Variants in MPDZ observed in about 807,000 individuals in gnomAD.
MPDZ encodes multiple PDZ domain crumbs cell polarity complex component, also known as multiple PDZ domain protein.
In MPDZ, 234 loss-of-function variants were observed where a neutral mutation model predicts 239.1. The observed-to-expected ratio is 0.98, with a 90% CI of 0.88 to 1.09. MPDZ has a LOEUF of 1.09. Ranked by LOEUF, MPDZ falls within the 50% of genes least tolerant of loss-of-function variation. The pLI, the probability that MPDZ is intolerant of heterozygous loss-of-function variation, is 0.00. For synonymous variants in MPDZ, 1,048 were observed against 881.3 expected, an observed-to-expected ratio of 1.19 and a Z score of -3.35; for missense variants, 3,175 against 2,510.0, an observed-to-expected ratio of 1.26 and a Z score of -5.66.
At chr9:13,216,971 C>G (rs1002860811) in intron 9 of MPDZ, 109 bp from the exon 10 acceptor site, 11 of 853,180 alleles carry the variant, frequency 1.3e-5, no homozygotes, top group Non-Finnish European at 2.0e-5. Context: ...TACGTATCAT[C>G]TAGTAGAAAC....
chr9:13,188,548 G>A (rs966161921), intron 17 of MPDZ, among the ~76,000 whole-genome samples: 1 of 151,982 alleles, frequency 6.6e-6, no homozygotes, highest in Non-Finnish European at 1.5e-5. Context: ...TGTCAAAAGT[G>A]AACCAAAGAC....
chr9:13,224,983 T>C lies in MPDZ; in HGVS notation c.184-400A>G, dbSNP rs1473298552. Among the ~76,000 whole-genome samples the C allele has an allele frequency of 2.0e-5, 3 of 152,128 alleles. No homozygotes were observed. The East Asian group carries it at 5.8e-4, about 29-fold the overall frequency. The stretch of plus-strand genomic sequence containing the variant: ...AGTGATGAGGTATCTTTCTTCTTCA[T>C]GGTGGGCCCCAAGGCCACATGATAT... On this transcript the variant is annotated intron_variant, in intron 3 of 46. Transcript: ENST00000319217.
intron 3 of MPDZ, among the ~76,000 whole-genome samples, chr9:13,246,514 A>G (rs933336837): frequency 6.6e-6 from 1 of 152,212 alleles, no homozygotes; most frequent in African/African-American, 2.4e-5. Flanking sequence ...ACATATAACA[A>G]CAACACCTTA....
At position 13,215,520 on chromosome 9, in the gene MPDZ, T is replaced by C. The variant is rs62532869; in HGVS notation, c.1290+1254A>G. On this transcript the variant is annotated intron_variant, in intron 10 of 46. Coordinates refer to ENST00000319217, the MANE Select transcript of MPDZ (RefSeq NM_001378778.1). The stretch of plus-strand genomic sequence containing the variant: ...CATGTCGTGGCGAGTGTGAATAATA[T>C]TGCTATGAATAAGGACTCCTCTACC... Among the ~76,000 whole-genome samples, 676 of 151,312 alleles carry C rather than the reference T, an allele frequency of 4.5e-3. 3 individuals are homozygous for C. The highest frequency in any genetic ancestry group is 7.4e-3 in the Non-Finnish European group (500 of 67,778).
At chr9:13,277,463 T>A (rs1350994076) in intron 1 of MPDZ, among the ~76,000 whole-genome samples, 1 of 152,246 alleles carries the variant, frequency 6.6e-6, no homozygotes, top group Non-Finnish European at 1.5e-5. Flanking sequence ...TAGTTTTGCC[T>A]ACATTGCACA....
At chr9:13,165,076 T>C (rs10960958) in intron 22 of MPDZ, among the ~76,000 whole-genome samples, 66,675 of 151,948 alleles carry the variant, frequency 0.44, 16,900 homozygotes, top group African/African-American at 0.71. Flanking sequence ...AGACTATTCC[T>C]GCACGTGCAG....
At chr9:13,186,064 T>A (rs1954053286) in intron 18 of MPDZ, among the ~76,000 whole-genome samples, 2 of 152,216 alleles carry the variant, frequency 1.3e-5, no homozygotes, top group Non-Finnish European at 2.9e-5. Context: ...CAACGTTAAT[T>A]AAGTTTTCCT....
chr9:13,195,357 CT>C lies in MPDZ; in HGVS notation c.1656+763del, dbSNP rs140816530. On this transcript the variant is annotated intron_variant, in intron 13 of 46. Coordinates refer to ENST00000319217, the MANE Select transcript of MPDZ (RefSeq NM_001378778.1). ...ACTAAATGAAATACTAAGAACACTA[CT>C]GCTTGGCACAAAGTATGCTATAAAC... Among the ~76,000 whole-genome samples, 1,058 of 152,214 alleles carry C rather than the reference CT, an allele frequency of 7.0e-3. 14 individuals carry two copies. Among genetic ancestry groups the C allele is most frequent in the African/African-American group, 0.024 (1,009 of 41,542 alleles).
intron 29 of MPDZ, among the ~76,000 whole-genome samples, chr9:13,137,659 C>G (rs745586126): frequency 6.6e-6 from 1 of 152,222 alleles, no homozygotes; most frequent in South Asian, 2.1e-4. Flanking sequence ...TCAAAAACTC[C>G]TAATAAAAAT....
At chr9:13,246,895 C>T (rs1966701447) in intron 3 of MPDZ, among the ~76,000 whole-genome samples, 1 of 152,150 alleles carries the variant, frequency 6.6e-6, no homozygotes, top group Admixed American at 6.5e-5. Context: ...TTGAAGATAA[C>T]ATTTTTTAAA....
chr9:13,202,654 A>C (rs2135531783), intron 12 of MPDZ, among the ~76,000 whole-genome samples: 1 of 152,298 alleles, frequency 6.6e-6, no homozygotes, highest in East Asian at 1.9e-4. Context: ...TTCCAGTGAA[A>C]GATTACCAGA....
intron 5 of MPDZ, 26 bp downstream of exon 5, chr9:13,223,545 C>A: frequency 6.3e-7 from 1 of 1,575,762 alleles, no homozygotes; most frequent in Non-Finnish European, 8.6e-7. Context: ...GGATCAAAAA[C>A]AAAGAAGACG....
At chr9:13,255,639 A>G (rs1969253522) in intron 1 of MPDZ, among the ~76,000 whole-genome samples, 1 of 152,240 alleles carries the variant, frequency 6.6e-6, no homozygotes, top group African/African-American at 2.4e-5. Flanking sequence ...TTGGATAACC[A>G]GATGCCTTGT....
chr9:13,216,503 A>G (rs990656658), intron 10 of MPDZ, among the ~76,000 whole-genome samples: 1 of 151,910 alleles, frequency 6.6e-6, no homozygotes, highest in Admixed American at 6.6e-5. Context: ...TATTAATGTA[A>G]TAAATTCATT....
chr9:13,272,816 CGAG>C (rs940116003), intron 1 of MPDZ, among the ~76,000 whole-genome samples: 4 of 151,824 alleles, frequency 2.6e-5, no homozygotes, highest in Non-Finnish European at 4.4e-5. Flanking sequence ...AGTGAGAAGC[CGAG>C]GAGGAAATAC....
Position 13,122,076 on chromosome 9 carries a change from G to A in MPDZ, c.5037+11C>T, listed in dbSNP as rs755098528. 2.5e-6 allele frequency: 4 copies of A among 1,613,260 alleles called. No homozygotes were observed. The highest frequency in any genetic ancestry group is 2.5e-6 in the Non-Finnish European group (3 of 1,179,418). On this transcript the variant is annotated intron_variant, in intron 37 of 46. Transcript: ENST00000319217. ...TGTTAATTTTGAAGGTCAAAAACAG[G>A]CATTCTATACCTCTAAGATCTGATC...
chr9:13,224,208 G>A (rs1959779449), intron 4 of MPDZ, among the ~76,000 whole-genome samples, 166 bp downstream of exon 4: 1 of 151,976 alleles, frequency 6.6e-6, no homozygotes, highest in South Asian at 2.1e-4. Flanking sequence ...TGATAAAACT[G>A]TAATAGAAAA....
intron 10 of MPDZ, among the ~76,000 whole-genome samples, chr9:13,206,745 T>C (rs997586789): frequency 6.6e-6 from 1 of 152,106 alleles, no homozygotes; most frequent in East Asian, 1.9e-4. Flanking sequence ...GGTTTGACCA[T>C]GTTGGCCAGG....
rs529758745 is a variant in MPDZ at position 13,219,624 on chromosome 9, G to T, written c.1021C>A (p.Arg341Ser). ...ATGCCCAAAGCAGTGGGTGCTGTAC[G>T]TTCTTCTATGGCACCTCTTGCAATC... Reference protein sequence around the residue: ...LMIARGAIEERTAPTALGITL... With the variant: ...LMIARGAIEESTAPTALGITL... The change falls in exon 8 of 47, where the codon CGT becomes AGT. Residue 341 changes from arginine (R) to serine (S), a missense_variant. Coordinates refer to ENST00000319217, the MANE Select transcript of MPDZ (RefSeq NM_001378778.1). The T allele has an allele frequency of 2.5e-6, 4 of 1,612,458 alleles. No individual in the cohort carries two copies. The highest frequency in any genetic ancestry group is 1.3e-5 in the African/African-American group (1 of 74,934).
Sources: gnomAD v4.1 joint callset for allele counts (sites outside exome capture counted in the v4.1 genomes callset) on GRCh38, gnomAD v4.1.1 for gene constraint, MANE v1.5 for transcripts, NCBI Gene and HGNC (gene_info 2026-07-23, HGNC 2026-07-21) for gene names.